Variants in CDH7 observed in about 807,000 individuals in gnomAD.
CDH7 encodes cadherin-7.
In CDH7, 25 loss-of-function variants were observed where a neutral mutation model predicts 71.8. That is an observed-to-expected ratio of 0.35 (90% confidence interval 0.25 to 0.49). CDH7 has a LOEUF of 0.49. Ranked by LOEUF, CDH7 falls within the 20% of genes least tolerant of loss-of-function variation. The probability of loss-of-function intolerance (pLI) is 0.99; values close to 1 mark genes in which losing one functional copy is unlikely to be tolerated. For synonymous variants in CDH7, 381 were observed against 363.8 expected, an observed-to-expected ratio of 1.05 and a Z score of -0.54; for missense variants, 862 against 974.6, an observed-to-expected ratio of 0.88 and a Z score of 1.54.
Position 65,880,660 on chromosome 18 carries a change from G to T in CDH7, c.2124G>T (p.Arg708Ser). 6.2e-7 allele frequency: 1 copy of T among 1,613,820 alleles called. No homozygotes were observed. The highest frequency in any genetic ancestry group is 8.5e-7 in the Non-Finnish European group (1 of 1,179,984). The change falls in exon 12 of 12, where the codon AGG (arginine) becomes AGT (serine). Residue 708 changes from arginine (R) to serine (S), a missense_variant. Coordinates refer to ENST00000397968, the MANE Select transcript of CDH7 (RefSeq NM_004361.5). ...GCATCCCAGATAATGTCATCTTTAG[G>T]GAATTTATTTGGGAAAGATTAAAAG... ...FKSIPDNVIF[R>S]EFIWERLKEA...
At chr18:65,825,080 G>C (rs1334916178) in intron 6 of CDH7, among the ~76,000 whole-genome samples, 1 of 151,776 alleles carries the variant, frequency 6.6e-6, no homozygotes, top group Non-Finnish European at 1.5e-5. Context: ...TAAAAATAAA[G>C]CAAACTGGCA....
chr18:65,827,661 T>C (rs948336621), intron 6 of CDH7, among the ~76,000 whole-genome samples: 2 of 151,956 alleles, frequency 1.3e-5, no homozygotes, highest in Non-Finnish European at 2.9e-5. Context: ...AGTTTTCTAA[T>C]GTGCAAAGTA....
At chr18:65,846,919 G>T (rs972116454) in intron 7 of CDH7, among the ~76,000 whole-genome samples, 2 of 152,106 alleles carry the variant, frequency 1.3e-5, no homozygotes, top group Non-Finnish European at 2.9e-5. Context: ...ATTATTATAG[G>T]TTATTGTGTT....
intron 7 of CDH7, among the ~76,000 whole-genome samples, chr18:65,849,902 G>A (rs543537030): frequency 2.5e-4 from 38 of 151,936 alleles, no homozygotes; most frequent in East Asian, 1.4e-3. Context: ...GGTGGCTCAC[G>A]TCTGTAATCC....
chr18:65,794,417 A>G (rs1301581231), intron 2 of CDH7, among the ~76,000 whole-genome samples: 1 of 152,104 alleles, frequency 6.6e-6, no homozygotes, highest in African/African-American at 2.4e-5. Context: ...CTTTTCTACT[A>G]TACAAAGTAT....
At chr18:65,850,954 G>A (rs1331559908) in intron 7 of CDH7, among the ~76,000 whole-genome samples, 2 of 151,768 alleles carry the variant, frequency 1.3e-5, no homozygotes, top group African/African-American at 4.8e-5. Context: ...TAGGACTACA[G>A]GCAGATACCA....
intron 6 of CDH7, among the ~76,000 whole-genome samples, chr18:65,833,687 A>T (rs1555687443): frequency 6.6e-6 from 1 of 152,306 alleles, no homozygotes; most frequent in Non-Finnish European, 1.5e-5. Flanking sequence ...TTATCTGCTT[A>T]TTAAGGTATA....
rs370135869 is a variant in CDH7 at position 65,889,674 on chromosome 18, C to G, written c.*8780C>G. On this transcript the variant is annotated 3_prime_UTR_variant, in exon 12 of 12. Coordinates refer to ENST00000397968, the MANE Select transcript of CDH7 (RefSeq NM_004361.5). ...ATGATGGTGTATACTTGCAAAATAA[C>G]TAAAGAGTGTATTTAAGATTTAAAT... 2 of 152,222 alleles carry G rather than the reference C, an allele frequency of 1.3e-5. No individual in the cohort carries two copies. Among genetic ancestry groups the G allele is most frequent in the East Asian group, 3.9e-4 (2 of 5,184 alleles). 9.4% of individuals were successfully genotyped at this position (152,222 alleles called of 1,614,324 possible). A position where few individuals can be genotyped will look rare whatever the true frequency, so the allele number is the denominator to read the frequency against.
At chr18:65,801,131 T>C (rs1407987520) in intron 2 of CDH7, among the ~76,000 whole-genome samples, 1 of 152,194 alleles carries the variant, frequency 6.6e-6, no homozygotes, top group Non-Finnish European at 1.5e-5. Flanking sequence ...TTCAAGACTT[T>C]AGGCTCCCTC....
rs191662515 is a variant in CDH7 at position 65,762,947 on chromosome 18, G to A, written c.105G>A (p.Lys35=). Residue 35 remains lysine, a synonymous_variant, in exon 2 of 12, where the codon AAG becomes AAA. Coordinates refer to ENST00000397968, the MANE Select transcript of CDH7 (RefSeq NM_004361.5). ...SQAELSRSRS[K]PYFQSGRSRT... ...CAGAACTCTCAAGGTCCAGATCAAA[G>A]CCCTATTTCCAATCAGGGAGGTCCC... The A allele has an allele frequency of 6.2e-7, 1 of 1,613,514 alleles. No individual in the cohort carries two copies. The highest frequency in any genetic ancestry group is 1.7e-5 in the Admixed American group (1 of 59,978).
At position 65,887,990 on chromosome 18, in the gene CDH7, T is replaced by TA. The variant is rs377714604; in HGVS notation, c.*7101dup. 6 of 152,140 alleles carry TA rather than the reference T, an allele frequency of 3.9e-5. No individual in the cohort carries two copies. The highest frequency in any genetic ancestry group is 1.3e-4 in the Admixed American group (2 of 15,270). 9.4% of individuals were successfully genotyped at this position (152,140 alleles called of 1,614,324 possible). On this transcript the variant is annotated 3_prime_UTR_variant, in exon 12 of 12. Transcript: ENST00000397968. ...AGTCACTTCTATAGTAAAAGAGCCTTAAAAATGTTAATTCAATTGACTGCA... is the reference window on the plus strand; with the variant it reads ...AGTCACTTCTATAGTAAAAGAGCCTTAAAAAATGTTAATTCAATTGACTGCA...
chr18:65,775,071 A>G (rs1909886820), intron 2 of CDH7, among the ~76,000 whole-genome samples: 1 of 152,170 alleles, frequency 6.6e-6, no homozygotes, highest in African/African-American at 2.4e-5. Flanking sequence ...AGTAAGATGG[A>G]AAGATGGAAG....
At chr18:65,808,738 G>A (rs185907636) in intron 2 of CDH7, among the ~76,000 whole-genome samples, 1 of 152,116 alleles carries the variant, frequency 6.6e-6, no homozygotes, top group African/African-American at 2.4e-5. Context: ...TGCAAACATA[G>A]TTCTTAAGGG....
intron 6 of CDH7, among the ~76,000 whole-genome samples, chr18:65,828,831 T>C (rs1045031698): frequency 2.0e-5 from 3 of 152,184 alleles, no homozygotes; most frequent in African/African-American, 7.2e-5. Flanking sequence ...CTCTGCCTCT[T>C]ACCCTGTACT....
chr18:65,822,211 A>T lies in CDH7; in HGVS notation c.756A>T (p.Leu252=). ...LSGTTSVTVT[L]TDVNDNPPRF... ...GAACTACATCAGTCACTGTGACCCT[A>T]ACTGATGTCAACGATAATCCACCTC... The change falls in exon 5 of 12, where the codon CTA becomes CTT. Residue 252 remains leucine, a synonymous_variant. Coordinates refer to ENST00000397968, the MANE Select transcript of CDH7 (RefSeq NM_004361.5). The T allele has an allele frequency of 9.3e-6, 15 of 1,612,920 alleles. No homozygotes were observed. The highest frequency in any genetic ancestry group is 1.2e-5 in the Non-Finnish European group (14 of 1,179,074).
At chr18:65,849,222 A>G (rs545916878) in intron 7 of CDH7, among the ~76,000 whole-genome samples, 2 of 152,120 alleles carry the variant, frequency 1.3e-5, no homozygotes, top group Non-Finnish European at 2.9e-5. Flanking sequence ...AAGAAAGTAT[A>G]TGTTCATGTA....
At chr18:65,772,675 C>T (rs1250947772) in intron 2 of CDH7, among the ~76,000 whole-genome samples, 1 of 152,100 alleles carries the variant, frequency 6.6e-6, no homozygotes, top group Non-Finnish European at 1.5e-5. Flanking sequence ...AGGAACTGCA[C>T]TATAGGACAT....
chr18:65,776,299 T>C (rs2143817406), intron 2 of CDH7, among the ~76,000 whole-genome samples: 1 of 146,962 alleles, frequency 6.8e-6, no homozygotes, highest in East Asian at 2.0e-4. Flanking sequence ...ATATTCAGAA[T>C]CAAATCAGAA....
chr18:65,806,464 T>TA (rs1911326359), intron 2 of CDH7, among the ~76,000 whole-genome samples: 1 of 152,150 alleles, frequency 6.6e-6, no homozygotes, highest in African/African-American at 2.4e-5. Context: ...GTGAGTACAA[T>TA]AGACCTAGGT....
Sources: allele counts gnomAD v4.1 joint callset (sites outside exome capture counted in the v4.1 genomes callset), GRCh38; gene constraint gnomAD v4.1.1; transcripts MANE v1.5; gene names NCBI Gene and HGNC (gene_info 2026-07-23, HGNC 2026-07-21).